The following NLGN1 variants were observed in gnomAD, a reference collection of about 807,000 sequenced individuals.
NLGN1 encodes the protein neuroligin 1.
In NLGN1, 12 loss-of-function variants were observed where a neutral mutation model predicts 65.5. That is an observed-to-expected ratio of 0.18 (90% CI 0.12 to 0.30). The LOEUF (loss-of-function observed/expected upper bound fraction) is 0.30, where lower values mean the gene tolerates loss of function less well. NLGN1 is among the 10% of genes least tolerant of loss of function. The probability of loss-of-function intolerance (pLI) is 1.00; values close to 1 mark genes in which losing one functional copy is unlikely to be tolerated. For synonymous variants in NLGN1, 350 were observed against 359.5 expected (o/e 0.97, Z 0.30); for missense variants, 750 against 1,007.1 (o/e 0.74, Z 3.46).
intron 4 of NLGN1, among the ~76,000 whole-genome samples, chr3:174,205,860 T>A (rs1422860514): frequency 6.6e-6 from 1 of 152,218 alleles, no homozygotes; most frequent in African/African-American, 2.4e-5. Context: ...AACTGCTAAG[T>A]TCAACCTTAT....
At chr3:173,994,315 T>C (rs1398341029) in intron 4 of NLGN1, among the ~76,000 whole-genome samples, 1 of 151,630 alleles carries the variant, frequency 6.6e-6, no homozygotes, top group Non-Finnish European at 1.5e-5. Context: ...CCCAGACTGG[T>C]CTCAAACTCG....
At chr3:173,894,076 G>T (rs147100711) in intron 4 of NLGN1, among the ~76,000 whole-genome samples, 86 of 152,188 alleles carry the variant, frequency 5.7e-4, no homozygotes, top group African/African-American at 2.0e-3. Flanking sequence ...CATCCCTTGG[G>T]GTGAGCTTGT....
At chr3:174,147,008 A>G (rs1723404670) in intron 4 of NLGN1, among the ~76,000 whole-genome samples, 1 of 152,246 alleles carries the variant, frequency 6.6e-6, no homozygotes, top group South Asian at 2.1e-4. Flanking sequence ...ACAAGAATGT[A>G]AAACATCTTT....
At chr3:173,814,689 A>G (rs1356872736) in intron 4 of NLGN1, among the ~76,000 whole-genome samples, 1 of 152,240 alleles carries the variant, frequency 6.6e-6, no homozygotes, top group East Asian at 1.9e-4. Flanking sequence ...CTTATTCTCT[A>G]TAAATTGAGC....
chr3:173,412,094 T>C (rs1378087237), intron 1 of NLGN1, among the ~76,000 whole-genome samples: 2 of 152,194 alleles, frequency 1.3e-5, no homozygotes, highest in Admixed American at 1.3e-4. Flanking sequence ...GTAAATCATA[T>C]TTCAAAATGT....
chr3:173,719,351 T>G (rs907434760), intron 3 of NLGN1, among the ~76,000 whole-genome samples: 1 of 152,236 alleles, frequency 6.6e-6, no homozygotes, highest in Non-Finnish European at 1.5e-5. Flanking sequence ...TGTGAGTACC[T>G]TCTTTCCTGC....
rs910004597 is a variant in NLGN1 at position 173,519,124 on chromosome 3, G to A, written c.-321+84046G>A. ...TAAGTCTTTGCAGCTTTCACATGGT[G>A]ATAAGCCTGCATGTGTGCAGAGTCC... is the stretch of plus-strand genomic sequence containing the variant. On this transcript the variant is annotated intron_variant, in intron 2 of 6. Transcript: ENST00000457714. Among the ~76,000 whole-genome samples the A allele has an allele frequency of 2.6e-5, 4 of 152,190 alleles. No homozygotes were observed. In the East Asian group the frequency reaches 7.7e-4, roughly 29 times the overall value.
intron 2 of NLGN1, among the ~76,000 whole-genome samples, chr3:173,475,396 CTATT>C (rs1478679441): frequency 6.6e-6 from 1 of 152,112 alleles, no homozygotes; most frequent in African/African-American, 2.4e-5. Context: ...TATATATTCA[CTATT>C]TAGCATCTGA....
At chr3:173,978,125 A>G (rs1717925402) in intron 4 of NLGN1, among the ~76,000 whole-genome samples, 1 of 152,134 alleles carries the variant, frequency 6.6e-6, no homozygotes, top group Admixed American at 6.6e-5. Flanking sequence ...TTCACAAGGA[A>G]CAAATAAATG....
At chr3:174,108,847 C>T (rs1163798775) in intron 4 of NLGN1, among the ~76,000 whole-genome samples, 1 of 151,992 alleles carries the variant, frequency 6.6e-6, no homozygotes, top group Non-Finnish European at 1.5e-5. Context: ...GGTCTGAGGT[C>T]CCTAACTGAT....
chr3:173,462,285 A>C (rs1263683629), intron 2 of NLGN1, among the ~76,000 whole-genome samples: 4 of 152,164 alleles, frequency 2.6e-5, no homozygotes, highest in African/African-American at 9.7e-5. Context: ...TGCTCAATAA[A>C]TATTTGCAGT....
chr3:173,544,259 CGTGTGTGTGTGTGTGTGTGTGT>C lies in NLGN1; in HGVS notation c.-320-60008_-320-59987del, dbSNP rs3980148. ...GTAGTAAAGTACCAAGATTATATTA[CGTGTGTGTGTGTGTGTGTGTGT>C]GTGTGTGTGTGAATTACTCTGGCTG... On this transcript the variant is annotated intron_variant, in intron 2 of 6. Coordinates refer to ENST00000457714, the Ensembl canonical transcript of NLGN1. Among the ~76,000 whole-genome samples, 1,257 of 144,226 alleles carry C rather than the reference CGTGTGTGTGTGTGTGTGTGTGT, an allele frequency of 8.7e-3. 5 individuals carry two copies. The highest frequency in any genetic ancestry group is 0.013 in the Admixed American group (185 of 14,490). 94.6% of individuals were successfully genotyped at this position (144,226 alleles called of 152,430 possible).
intron 2 of NLGN1, among the ~76,000 whole-genome samples, chr3:173,490,692 C>G (rs1402762562): frequency 6.6e-6 from 1 of 152,060 alleles, no homozygotes; most frequent in Non-Finnish European, 1.5e-5. Context: ...GGCAGTATGG[C>G]GATTTTCACG....
intron 4 of NLGN1, among the ~76,000 whole-genome samples, chr3:173,879,059 C>T (rs1448632543): frequency 1.3e-5 from 2 of 151,828 alleles, no homozygotes; most frequent in Admixed American, 6.6e-5. Context: ...ACGTTGAAGC[C>T]CTGTCTCTAC....
chr3:173,747,623 TA>T (rs142955119), intron 3 of NLGN1, among the ~76,000 whole-genome samples: 12,951 of 150,370 alleles, frequency 0.086, 1,896 homozygotes, highest in African/African-American at 0.3. Flanking sequence ...ACTTTTCACT[TA>T]GTGACACATA....
At chr3:173,818,930 A>T (rs1719616144) in intron 4 of NLGN1, among the ~76,000 whole-genome samples, 1 of 127,354 alleles carries the variant, frequency 7.9e-6, no homozygotes, top group Non-Finnish European at 1.6e-5. Flanking sequence ...GAACTAAGGG[A>T]GTACTCCCTT....
intron 4 of NLGN1, among the ~76,000 whole-genome samples, chr3:173,910,100 T>C (rs569141945): frequency 6.6e-6 from 1 of 152,324 alleles, no homozygotes; most frequent in South Asian, 2.1e-4. Context: ...TTGACACTAC[T>C]GGGTTGTTCA....
intron 3 of NLGN1, among the ~76,000 whole-genome samples, chr3:173,629,408 G>A (rs1439643083): frequency 1.3e-5 from 2 of 152,038 alleles, no homozygotes; most frequent in Admixed American, 1.3e-4. Flanking sequence ...GGGCCACTGT[G>A]CCCAGCTTCC....
intron 4 of NLGN1, among the ~76,000 whole-genome samples, chr3:174,124,617 ACGTATACACATAT>A (rs1332684761): frequency 6.8e-6 from 1 of 146,422 alleles, no homozygotes; most frequent in African/African-American, 2.5e-5. Flanking sequence ...ACGTATATAT[ACGTATACACATAT>A]ACGTATATAT....
Sources: gnomAD v4.1 joint callset for allele counts (sites outside exome capture counted in the v4.1 genomes callset) on GRCh38, gnomAD v4.1.1 for gene constraint, MANE v1.5 for transcripts, NCBI Gene and HGNC (gene_info 2026-07-23, HGNC 2026-07-21) for gene names.